QRFPR: variants seen among roughly 807,000 people sequenced by gnomAD.
QRFPR encodes pyroglutamylated RF-amide peptide receptor.
A neutral mutation model predicts 31.3 loss-of-function variants in QRFPR; 37 were observed. That is an observed-to-expected ratio of 1.18 (90% CI 0.91 to 1.56). The LOEUF (loss-of-function observed/expected upper bound fraction) is 1.56, where lower values mean the gene tolerates loss of function less well. QRFPR is among the 40% of genes most tolerant of loss of function. The pLI, the probability that QRFPR is intolerant of heterozygous loss-of-function variation, is 0.00. For synonymous variants in QRFPR, 197 were observed against 192.0 expected (o/e 1.03, Z -0.22); for missense variants, 542 against 532.5 (o/e 1.02, Z -0.18).
chr4:121,358,460 C>T (rs1725911028), intron 1 of QRFPR, among the ~76,000 whole-genome samples: 2 of 152,320 alleles, frequency 1.3e-5, no homozygotes, highest in Admixed American at 6.5e-5. Flanking sequence ...CATTGGCTAT[C>T]TGATAATGTT....
intron 1 of QRFPR, among the ~76,000 whole-genome samples, chr4:121,372,060 G>A (rs114916669): frequency 2.0e-4 from 30 of 152,300 alleles, no homozygotes; most frequent in African/African-American, 6.3e-4. Flanking sequence ...TTACACAAAA[G>A]ACTGTAGCTG....
At chr4:121,331,914 A>T (rs1385980842) in intron 4 of QRFPR, among the ~76,000 whole-genome samples, 1 of 152,068 alleles carries the variant, frequency 6.6e-6, no homozygotes, top group Non-Finnish European at 1.5e-5. Context: ...CGGCCCCCCA[A>T]ATTGCTATGA....
At position 121,356,836 on chromosome 4, in the gene QRFPR, T is replaced by C. The variant is rs528309893; in HGVS notation, c.341-16226A>G. The stretch of plus-strand genomic sequence containing the variant: ...CTCTCATGGCCTCCATAGCTGGCAC[T>C]ATGCTGGGTCACACCTGAAGCCAGC... On this transcript the variant is annotated intron_variant, in intron 1 of 5. Coordinates refer to ENST00000394427, the MANE Select transcript of QRFPR (RefSeq NM_198179.3). 5.3e-5 allele frequency among the ~76,000 whole-genome samples: 8 copies of C among 152,234 alleles called. No homozygotes were observed. In the East Asian group the frequency reaches 1.2e-3, roughly 22 times the overall value.
chr4:121,346,256 C>T (rs1272807521), intron 1 of QRFPR, among the ~76,000 whole-genome samples: 1 of 152,198 alleles, frequency 6.6e-6, no homozygotes, highest in African/African-American at 2.4e-5. Context: ...GCGCCCTTGT[C>T]CCAATACAAC....
intron 1 of QRFPR, among the ~76,000 whole-genome samples, chr4:121,361,073 T>C (rs1725980374): frequency 6.6e-6 from 1 of 152,182 alleles, no homozygotes; most frequent in Admixed American, 6.5e-5. Flanking sequence ...AATGTACTGT[T>C]ACAATAATAT....
intron 4 of QRFPR, among the ~76,000 whole-genome samples, chr4:121,331,162 C>T (rs1276913622): frequency 8.0e-5 from 11 of 136,902 alleles, no homozygotes; most frequent in African/African-American, 3.0e-4. Flanking sequence ...GATATCTATA[C>T]GATATATCTT....
chr4:121,369,611 C>A, intron 1 of QRFPR: 1 of 1,610,782 alleles, frequency 6.2e-7, no homozygotes, highest in South Asian at 1.1e-5. Flanking sequence ...CTTCTGGGCT[C>A]CTCGGTAGGC....
intron 1 of QRFPR, among the ~76,000 whole-genome samples, chr4:121,361,185 C>CCAGG (rs1403498713): frequency 7.4e-6 from 1 of 135,050 alleles, no homozygotes; most frequent in Non-Finnish European, 1.6e-5. Flanking sequence ...TTTCTGGAAA[C>CCAGG]CAGGATAAAT....
chr4:121,329,211 TGTC>T lies in QRFPR; in HGVS notation c.*100_*102del, dbSNP rs1000311305. On this transcript the variant is annotated 3_prime_UTR_variant, in exon 6 of 6. Coordinates refer to ENST00000394427, the MANE Select transcript of QRFPR (RefSeq NM_198179.3). ...ATGGAAACATGATTTGTTTTCTTCT[TGTC>T]ATCATCTTAAGAATAAAAAGAGTAT... 2 of 913,930 alleles carry T rather than the reference TGTC, an allele frequency of 2.2e-6. No homozygotes were observed. Among genetic ancestry groups the T allele is most frequent in the Admixed American group, 2.9e-5 (1 of 34,334 alleles). The allele number at this position is 913,930 out of a possible 1,614,324, so 56.6% of individuals were successfully genotyped here.
At position 121,380,204 on chromosome 4, in the gene QRFPR, A is replaced by G. The variant is rs773532675; in HGVS notation, c.340+104T>C. On this transcript the variant is annotated intron_variant, in intron 1 of 5. Coordinates refer to ENST00000394427, the MANE Select transcript of QRFPR (RefSeq NM_198179.3). ...CGAGAGAGGAGAGAGAGAGAGAGAG[A>G]GAGAGAGAGAGAGAGAGAGAGAGAG... 3.6e-3 allele frequency: 853 copies of G among 236,050 alleles called. 2 individuals are homozygous for G. Among genetic ancestry groups the G allele is most frequent in the Middle Eastern group, 7.4e-3 (9 of 1,218 alleles). The allele number at this position is 236,050 out of a possible 1,614,324, so 14.6% of individuals were successfully genotyped here.
chr4:121,339,471 T>C (rs775782927), intron 2 of QRFPR, among the ~76,000 whole-genome samples: 5 of 152,128 alleles, frequency 3.3e-5, no homozygotes, highest in Non-Finnish European at 7.3e-5. Context: ...GATCCAGAAA[T>C]GCCTAAAGGA....
At chr4:121,370,425 G>A (rs1350705713) in intron 1 of QRFPR, 1 of 626,944 alleles carries the variant, frequency 1.6e-6, no homozygotes, top group African/African-American at 1.8e-5. Flanking sequence ...TAAGCTGACA[G>A]ATGGATGTTA....
rs372254772 is a variant in QRFPR at position 121,333,055 on chromosome 4, A to T, written c.563T>A (p.Ile188Asn). 2 of 1,590,018 alleles carry T rather than the reference A, an allele frequency of 1.3e-6. No individual in the cohort carries two copies. Among genetic ancestry groups the T allele is most frequent in the African/African-American group, 2.7e-5 (2 of 74,458 alleles). ...SPMWHVQQLE[I>N]KYDFLYEKEH... ...CTTTTCATATAGGAAGTCATATTTGATCTTCATAATAAGAATAATTCATTA... is the reference window on the plus strand; with the variant it reads ...CTTTTCATATAGGAAGTCATATTTGTTCTTCATAATAAGAATAATTCATTA... The change falls in exon 4 of 6, where the codon ATC becomes AAC. Residue 188 changes from isoleucine (I) to asparagine (N), a missense_variant and splice_region_variant. Transcript: ENST00000394427.
At chr4:121,348,800 T>C (rs1725707919) in intron 1 of QRFPR, among the ~76,000 whole-genome samples, 1 of 152,158 alleles carries the variant, frequency 6.6e-6, no homozygotes, top group Non-Finnish European at 1.5e-5. Flanking sequence ...TGCTCCCTTA[T>C]AAATATCCTG....
chr4:121,354,057 A>G (rs969433450), intron 1 of QRFPR, among the ~76,000 whole-genome samples: 2 of 151,948 alleles, frequency 1.3e-5, no homozygotes, highest in Admixed American at 1.3e-4. Flanking sequence ...ATTCAGTTCA[A>G]TTGGTCTATG....
intron 2 of QRFPR, 22 bp from the exon 3 acceptor site, chr4:121,336,890 G>A (rs368910064): frequency 4.4e-6 from 7 of 1,603,508 alleles, no homozygotes; most frequent in Non-Finnish European, 6.0e-6. Context: ...TTAAAGTCAT[G>A]AGAGTATGAC....
chr4:121,334,112 T>C (rs1725388627), intron 3 of QRFPR, among the ~76,000 whole-genome samples: 1 of 152,188 alleles, frequency 6.6e-6, no homozygotes, highest in African/African-American at 2.4e-5. Context: ...TCCAACTCCA[T>C]GGAAGCAAAG....
At chr4:121,339,307 TAAG>T (rs1725495184) in intron 2 of QRFPR, among the ~76,000 whole-genome samples, 9 of 152,216 alleles carry the variant, frequency 5.9e-5, no homozygotes, top group Admixed American at 5.9e-4. Context: ...TGAAGCACAC[TAAG>T]GTTTTAAATG....
chr4:121,345,210 G>T (rs537545925), intron 1 of QRFPR, among the ~76,000 whole-genome samples: 1 of 152,324 alleles, frequency 6.6e-6, no homozygotes, highest in Non-Finnish European at 1.5e-5. Flanking sequence ...TTGAAAGGTT[G>T]AATGCAGATG....
Sources: gnomAD v4.1 joint callset for allele counts (sites outside exome capture counted in the v4.1 genomes callset) on GRCh38, gnomAD v4.1.1 for gene constraint, MANE v1.5 for transcripts, NCBI Gene and HGNC (gene_info 2026-07-23, HGNC 2026-07-21) for gene names.